Variants in RALYL observed in about 807,000 individuals in gnomAD.
The protein encoded by RALYL is RALY RNA binding protein like, also known as RNA-binding Raly-like protein.
In RALYL, 29 loss-of-function variants were observed where a neutral mutation model predicts 35.1. The observed-to-expected ratio is 0.83, with a 90% CI of 0.61 to 1.13. The LOEUF (loss-of-function observed/expected upper bound fraction) is 1.13, where lower values mean the gene tolerates loss of function less well. Ranked by LOEUF, RALYL falls within the 50% of genes most tolerant of loss-of-function variation. The pLI is 0.00. For missense variants in RALYL, 359 were observed against 360.4 expected (o/e 1.00, Z 0.03); for synonymous variants, 120 against 127.6 (o/e 0.94, Z 0.40).
At chr8:84,892,610 T>TAA (rs766053248) in intron 8 of RALYL, among the ~76,000 whole-genome samples, 6 of 122,314 alleles carry the variant, frequency 4.9e-5, no homozygotes, top group African/African-American at 1.5e-4. Flanking sequence ...AACTCTGTCT[T>TAA]AAAAAAAAAA....
intron 1 of RALYL, among the ~76,000 whole-genome samples, chr8:84,337,568 TGAAA>T (rs1383526456): frequency 6.6e-6 from 1 of 152,118 alleles, no homozygotes; most frequent in Non-Finnish European, 1.5e-5. Context: ...GTACATTGAA[TGAAA>T]GAAAGTATGA....
At chr8:84,411,276 T>A (rs991468809) in intron 1 of RALYL, among the ~76,000 whole-genome samples, 5 of 151,926 alleles carry the variant, frequency 3.3e-5, no homozygotes, top group Non-Finnish European at 7.4e-5. Context: ...ATCTTGCTGA[T>A]GGGGTCCACT....
intron 2 of RALYL, among the ~76,000 whole-genome samples, chr8:84,570,563 C>G (rs147578025): frequency 6.6e-6 from 1 of 151,808 alleles, no homozygotes. Context: ...AATTTGGATG[C>G]CTTTTATTTC....
At chr8:84,687,649 C>T (rs1837097155) in intron 2 of RALYL, among the ~76,000 whole-genome samples, 1 of 152,128 alleles carries the variant, frequency 6.6e-6, no homozygotes, top group Non-Finnish European at 1.5e-5. Context: ...GGCAAAATTA[C>T]TGAACCTATT....
chr8:84,714,013 A>AACACAC (rs1278664036), intron 2 of RALYL, among the ~76,000 whole-genome samples: 1 of 151,160 alleles, frequency 6.6e-6, no homozygotes, highest in Non-Finnish European at 1.5e-5. Context: ...ATATAGATAC[A>AACACAC]ACACACACAC....
At chr8:84,750,311 T>TA (rs1432429247) in intron 2 of RALYL, among the ~76,000 whole-genome samples, 2 of 152,196 alleles carry the variant, frequency 1.3e-5, no homozygotes, top group Non-Finnish European at 2.9e-5. Context: ...CAGCGGTTTT[T>TA]AACAAGATAG....
intron 2 of RALYL, among the ~76,000 whole-genome samples, chr8:84,592,094 G>T (rs1331814187): frequency 6.6e-6 from 1 of 152,028 alleles, no homozygotes; most frequent in Admixed American, 6.6e-5. Flanking sequence ...ATTCTAACCA[G>T]GATGGGTGAC....
intron 2 of RALYL, among the ~76,000 whole-genome samples, chr8:84,699,887 T>G (rs528654687): frequency 4.0e-4 from 61 of 152,158 alleles, no homozygotes; most frequent in Non-Finnish European, 7.2e-4. Flanking sequence ...TTATTAAAAA[T>G]ATATTGAAGG....
intron 2 of RALYL, among the ~76,000 whole-genome samples, chr8:84,599,555 A>C (rs2130715937): frequency 6.6e-6 from 1 of 152,170 alleles, no homozygotes; most frequent in East Asian, 1.9e-4. Flanking sequence ...TTTTTAAAGA[A>C]TCTAAGGCAA....
chr8:84,391,970 C>T (rs191362513), intron 1 of RALYL, among the ~76,000 whole-genome samples: 121 of 152,108 alleles, frequency 8.0e-4, no homozygotes, highest in African/African-American at 2.8e-3. Context: ...TATTGGATGA[C>T]TGCATTTTCC....
rs762033229 is a variant in RALYL at position 84,887,536 on chromosome 8, T to C, written c.686-68T>C. ...CGTTTACCCTTTCATGGACTGTTTTTTCATGGTTTATCCAAATGGCTCATG... is the reference window on the plus strand; with the variant it reads ...CGTTTACCCTTTCATGGACTGTTTTCTCATGGTTTATCCAAATGGCTCATG... On this transcript the variant is annotated intron_variant, in intron 7 of 8. Coordinates refer to ENST00000521268, the MANE Select transcript of RALYL (RefSeq NM_173848.7). The C allele has an allele frequency of 4.2e-6, 6 of 1,429,224 alleles. No homozygotes were observed. In the Admixed American group the frequency reaches 6.8e-5, roughly 16 times the overall value. The allele number at this position is 1,429,224 out of a possible 1,614,324, so 88.5% of individuals were successfully genotyped here.
intron 1 of RALYL, among the ~76,000 whole-genome samples, chr8:84,425,294 G>A (rs1245184123): frequency 4.6e-5 from 7 of 152,076 alleles, no homozygotes; most frequent in Non-Finnish European, 8.8e-5. Flanking sequence ...CAATATTCGG[G>A]TGGGAGTGAC....
At chr8:84,574,072 T>C (rs1248226203) in intron 2 of RALYL, among the ~76,000 whole-genome samples, 2 of 152,014 alleles carry the variant, frequency 1.3e-5, no homozygotes, top group Non-Finnish European at 2.9e-5. Flanking sequence ...GATGTCATTG[T>C]TGAGTTTAGT....
At chr8:84,717,020 C>A (rs1328547892) in intron 2 of RALYL, among the ~76,000 whole-genome samples, 1 of 152,088 alleles carries the variant, frequency 6.6e-6, no homozygotes, top group Non-Finnish European at 1.5e-5. Context: ...AACCCTCTCT[C>A]TACTAAAAAT....
At chr8:84,290,116 A>G (rs1187082485) in intron 1 of RALYL, among the ~76,000 whole-genome samples, 3 of 152,230 alleles carry the variant, frequency 2.0e-5, no homozygotes, top group African/African-American at 7.2e-5. Context: ...ATTTTACTGT[A>G]TACATCAAAT....
At chr8:84,840,686 T>C (rs1833066755) in intron 4 of RALYL, among the ~76,000 whole-genome samples, 1 of 152,048 alleles carries the variant, frequency 6.6e-6, no homozygotes, top group African/African-American at 2.4e-5. Flanking sequence ...AAATTTGAAA[T>C]GAAGGAAAAA....
At chr8:84,290,696 C>T (rs970955695) in intron 1 of RALYL, among the ~76,000 whole-genome samples, 1 of 152,142 alleles carries the variant, frequency 6.6e-6, no homozygotes, top group Non-Finnish European at 1.5e-5. Context: ...GCCATCTGGG[C>T]GTATACCTGC....
chr8:84,386,759 C>A (rs945152904), intron 1 of RALYL, among the ~76,000 whole-genome samples: 5 of 151,764 alleles, frequency 3.3e-5, no homozygotes, highest in African/African-American at 1.2e-4. Context: ...TGTTGCAAGG[C>A]CTTTCATAAT....
intron 1 of RALYL, among the ~76,000 whole-genome samples, chr8:84,367,318 ATTTTTTTTT>A (rs56387511): frequency 6.9e-4 from 19 of 27,406 alleles, no homozygotes; most frequent in East Asian, 1.5e-3. Context: ...TAATTTTTGT[ATTTTTTTTT>A]TTTTTTTTTT....
Sources: gnomAD v4.1 joint callset for allele counts (sites outside exome capture counted in the v4.1 genomes callset) on GRCh38, gnomAD v4.1.1 for gene constraint, MANE v1.5 for transcripts, NCBI Gene and HGNC (gene_info 2026-07-23, HGNC 2026-07-21) for gene names.